Variants in PCDH7 observed in about 807,000 individuals in gnomAD.
PCDH7 encodes the protein protocadherin-7.
A neutral mutation model predicts 58.9 loss-of-function variants in PCDH7; 17 were observed. That is an observed-to-expected ratio of 0.29 (90% CI 0.20 to 0.43). The LOEUF is 0.43. Ranked by LOEUF, PCDH7 falls within the 20% of genes least tolerant of loss-of-function variation. The pLI, the probability that PCDH7 is intolerant of heterozygous loss-of-function variation, is 1.00. For synonymous variants in PCDH7, 664 were observed against 616.4 expected, an observed-to-expected ratio of 1.08 and a Z score of -1.14; for missense variants, 1,274 against 1,441.0, an observed-to-expected ratio of 0.88 and a Z score of 1.88.
downstream of PCDH7, chr4:31,146,486 C>G (rs1232868731): frequency 6.6e-6 from 1 of 151,932 alleles, no homozygotes; most frequent in Admixed American, 6.6e-5. Flanking sequence ...GTTCAGCTAC[C>G]TAGGGTTTAC....
chr4:30,869,899 A>C (rs1162450966), intron 1 of PCDH7, among the ~76,000 whole-genome samples: 1 of 152,174 alleles, frequency 6.6e-6, no homozygotes, highest in Non-Finnish European at 1.5e-5. Flanking sequence ...CACTCCCACC[A>C]ACGGTATAAA....
chr4:30,724,854 C>G (rs1714381388), intron 1 of PCDH7: 3 of 1,284,694 alleles, frequency 2.3e-6, no homozygotes, highest in South Asian at 5.7e-5. Context: ...TGGCAGTTCT[C>G]TTTGCACTTG....
intron 3 of PCDH7, among the ~76,000 whole-genome samples, chr4:31,089,260 C>T (rs1712903615): frequency 6.6e-6 from 1 of 151,910 alleles, no homozygotes; most frequent in Non-Finnish European, 1.5e-5. Context: ...AAAAATGTTA[C>T]AGTTTACAAT....
chr4:31,073,519 C>A (rs746329275), intron 3 of PCDH7, among the ~76,000 whole-genome samples: 3 of 152,140 alleles, frequency 2.0e-5, no homozygotes, highest in Non-Finnish European at 4.4e-5. Context: ...GATAATAACT[C>A]ATAGCAGGTC....
chr4:30,754,534 A>G (rs548179693), intron 1 of PCDH7, among the ~76,000 whole-genome samples: 14 of 152,318 alleles, frequency 9.2e-5, no homozygotes, highest in African/African-American at 3.4e-4. Flanking sequence ...CCAATACAGG[A>G]AATATTAGTT....
At chr4:30,818,965 A>G (rs982146015) in intron 1 of PCDH7, among the ~76,000 whole-genome samples, 15 of 152,208 alleles carry the variant, frequency 9.9e-5, no homozygotes, top group African/African-American at 3.4e-4. Flanking sequence ...TCTATTCCTA[A>G]CCATTTTGAG....
chr4:30,839,953 T>G (rs1489410608), intron 1 of PCDH7, among the ~76,000 whole-genome samples: 4 of 152,030 alleles, frequency 2.6e-5, no homozygotes, highest in African/African-American at 9.7e-5. Flanking sequence ...GCCAAAGCCC[T>G]TAGGCTTTTG....
chr4:31,063,348 T>G (rs1019079246), intron 3 of PCDH7, among the ~76,000 whole-genome samples: 1 of 151,874 alleles, frequency 6.6e-6, no homozygotes, highest in Non-Finnish European at 1.5e-5. Flanking sequence ...TTCTATGACA[T>G]TTATGTGGTT....
intron 1 of PCDH7, among the ~76,000 whole-genome samples, chr4:30,799,280 T>C (rs1249793353): frequency 6.6e-6 from 1 of 152,202 alleles, no homozygotes; most frequent in Non-Finnish European, 1.5e-5. Flanking sequence ...GTCTAGCATT[T>C]CAAAAATTCA....
chr4:30,894,791 G>A (rs1739193559), intron 1 of PCDH7, among the ~76,000 whole-genome samples: 1 of 150,298 alleles, frequency 6.7e-6, no homozygotes. Context: ...ATTTTACGTT[G>A]TGGCTTTGCC....
At chr4:30,918,346 G>T (rs1336671111) in intron 1 of PCDH7, among the ~76,000 whole-genome samples, 1 of 152,036 alleles carries the variant, frequency 6.6e-6, no homozygotes, top group Admixed American at 6.6e-5. Flanking sequence ...GATGGGGTGG[G>T]TGAGGGTTGG....
intron 1 of PCDH7, among the ~76,000 whole-genome samples, chr4:30,751,248 G>A (rs369708651): frequency 3.9e-5 from 6 of 152,250 alleles, no homozygotes; most frequent in Middle Eastern, 3.4e-3. Flanking sequence ...TCAAAGTAAC[G>A]TGGTAAAATT....
At chr4:31,098,396 T>G (rs1260576342) in intron 3 of PCDH7, among the ~76,000 whole-genome samples, 1 of 152,210 alleles carries the variant, frequency 6.6e-6, no homozygotes, top group Non-Finnish European at 1.5e-5. Flanking sequence ...TCAATTAGTT[T>G]ATACACATTA....
intron 3 of PCDH7, among the ~76,000 whole-genome samples, chr4:31,110,901 C>A (rs928034844): frequency 6.8e-6 from 1 of 147,338 alleles, no homozygotes; most frequent in Non-Finnish European, 1.5e-5. Flanking sequence ...GATGACAGAG[C>A]GAGACTATGT....
At chr4:30,899,416 C>T (rs1739904026) in intron 1 of PCDH7, among the ~76,000 whole-genome samples, 1 of 152,108 alleles carries the variant, frequency 6.6e-6, no homozygotes, top group South Asian at 2.1e-4. Flanking sequence ...TGTCTAATTT[C>T]CTATCTAGGT....
chr4:30,751,465 A>G (rs1193789283), intron 1 of PCDH7, among the ~76,000 whole-genome samples: 2 of 152,296 alleles, frequency 1.3e-5, no homozygotes, highest in East Asian at 1.9e-4. Flanking sequence ...CCTAAAACAC[A>G]TTGGAAAATA....
At chr4:30,775,881 A>G (rs1475345864) in intron 1 of PCDH7, among the ~76,000 whole-genome samples, 1 of 152,084 alleles carries the variant, frequency 6.6e-6, no homozygotes, top group African/African-American at 2.4e-5. Context: ...TGGGTGACAG[A>G]GTGAAACTCC....
At chr4:30,941,187 TTAAC>T (rs1199710638) in intron 2 of PCDH7, among the ~76,000 whole-genome samples, 1 of 152,086 alleles carries the variant, frequency 6.6e-6, no homozygotes, top group East Asian at 1.9e-4. Context: ...TTAAAATACA[TTAAC>T]TAAGAACAGT....
chr4:30,852,497 G>GACT (rs1390435237), intron 1 of PCDH7, among the ~76,000 whole-genome samples: 1 of 151,988 alleles, frequency 6.6e-6, no homozygotes, highest in Non-Finnish European at 1.5e-5. Flanking sequence ...TATCTCTTGA[G>GACT]ACTACTTGAA....
Sources: gnomAD v4.1 joint callset for allele counts (sites outside exome capture counted in the v4.1 genomes callset) on GRCh38, gnomAD v4.1.1 for gene constraint, MANE v1.5 for transcripts, NCBI Gene and HGNC (gene_info 2026-07-23, HGNC 2026-07-21) for gene names.